Variants in NELL1 observed in about 807,000 individuals in gnomAD.
NELL1 encodes protein kinase C-binding protein NELL1.
Under a neutral mutation model 107.4 loss-of-function variants are expected in NELL1, and 76 were observed. That is an observed-to-expected ratio of 0.71 (90% CI 0.59 to 0.86). The LOEUF is 0.86. NELL1 is among the 40% of genes least tolerant of loss of function. The pLI is 0.00. For missense variants in NELL1, 1,024 were observed against 1,005.5 expected, an observed-to-expected ratio of 1.02 and a Z score of -0.25; for synonymous variants, 353 against 341.2, an observed-to-expected ratio of 1.03 and a Z score of -0.38.
In NELL1 at chr11:21,159,007, C is replaced by T. The variant is rs532869276; in HGVS notation, c.1426+45293C>T. Among the ~76,000 whole-genome samples the T allele has an allele frequency of 9.2e-5, 14 of 152,130 alleles. No individual in the cohort carries two copies. In the South Asian group the frequency reaches 2.5e-3, roughly 27 times the overall value. ...TTTAATATAGCATGCATAATGCTGC[C>T]GATCTGCTTTTGATCTCGTGTTTCA... On this transcript the variant is annotated intron_variant, in intron 13 of 19. Transcript: ENST00000357134.
intron 5 of NELL1, among the ~76,000 whole-genome samples, chr11:20,902,084 A>G (rs778734082): frequency 2.4e-4 from 37 of 152,080 alleles, no homozygotes; most frequent in Non-Finnish European, 5.1e-4. Context: ...ATAAGAACAT[A>G]TCTTCACGAT....
intron 13 of NELL1, among the ~76,000 whole-genome samples, chr11:21,162,388 A>G (rs1430871209): frequency 6.6e-6 from 1 of 152,190 alleles, no homozygotes; most frequent in Non-Finnish European, 1.5e-5. Context: ...GCCTCTCAGT[A>G]TAAGTGGGAG....
At chr11:20,697,781 T>C (rs984607519) in intron 2 of NELL1, among the ~76,000 whole-genome samples, 1 of 152,106 alleles carries the variant, frequency 6.6e-6, no homozygotes, top group Non-Finnish European at 1.5e-5. Context: ...GAAATGGTCT[T>C]TGGGGGAGGT....
rs1207736244 is a variant in NELL1 at position 20,870,731 on chromosome 11, C to A, written c.507-14713C>A. ...AACAGCTGGCAGTTACTATTGAATG[C>A]CTCACATTTAATAACAAAAGTCTTC... On this transcript the variant is annotated intron_variant, in intron 4 of 19. Coordinates refer to ENST00000357134, the MANE Select transcript of NELL1 (RefSeq NM_006157.5). Among the ~76,000 whole-genome samples, 5 of 152,314 alleles carry A rather than the reference C, an allele frequency of 3.3e-5. No homozygotes were observed. In the East Asian group the frequency reaches 9.6e-4, roughly 29 times the overall value.
chr11:21,368,011 C>T lies in NELL1; in HGVS notation c.1550-2842C>T, dbSNP rs187214842. Among the ~76,000 whole-genome samples, 11 of 152,140 alleles carry T rather than the reference C, an allele frequency of 7.2e-5. No homozygotes were observed. In the East Asian group the frequency reaches 1.7e-3, roughly 24 times the overall value. ...AGAGCCTGTCCATATATGAATAATC[C>T]GTGCACAATCTTTAGACTAAGATAC... On this transcript the variant is annotated intron_variant, in intron 14 of 19. Coordinates refer to ENST00000357134, the MANE Select transcript of NELL1 (RefSeq NM_006157.5).
chr11:20,727,890 A>C (rs1450810285), intron 2 of NELL1, among the ~76,000 whole-genome samples: 9 of 152,182 alleles, frequency 5.9e-5, no homozygotes, highest in African/African-American at 1.9e-4. Context: ...ACTGCTTTCC[A>C]CAGTGATTGC....
At chr11:21,284,583 C>G (rs1033968146) in intron 14 of NELL1, 1 of 448,810 alleles carries the variant, frequency 2.2e-6, no homozygotes, top group Admixed American at 2.4e-5. Context: ...CCAGCCCCAA[C>G]AGTTTGATGT....
chr11:21,352,367 G>A (rs1850836575), intron 14 of NELL1, among the ~76,000 whole-genome samples: 1 of 152,126 alleles, frequency 6.6e-6, no homozygotes, highest in African/African-American at 2.4e-5. Flanking sequence ...TAAGTGCTTA[G>A]GAGAGTACTT....
intron 14 of NELL1, among the ~76,000 whole-genome samples, chr11:21,316,783 A>G (rs2133657590): frequency 6.6e-6 from 1 of 152,302 alleles, no homozygotes; most frequent in East Asian, 1.9e-4. Flanking sequence ...CTCCTCACTG[A>G]CAGCAAAGAG....
intron 4 of NELL1, among the ~76,000 whole-genome samples, chr11:20,856,017 A>G (rs1328585346): frequency 6.6e-6 from 1 of 152,236 alleles, no homozygotes; most frequent in East Asian, 1.9e-4. Context: ...CTTTAATTAA[A>G]CTAATGTTAT....
At chr11:20,679,818 A>G (rs1854146802) in intron 2 of NELL1, among the ~76,000 whole-genome samples, 1 of 152,196 alleles carries the variant, frequency 6.6e-6, no homozygotes. Context: ...TGTGCATGAA[A>G]CACAGTAGGT....
intron 12 of NELL1, among the ~76,000 whole-genome samples, chr11:21,035,029 A>G (rs776511517): frequency 6.6e-5 from 10 of 152,106 alleles, no homozygotes; most frequent in Non-Finnish European, 7.4e-5. Context: ...ATTCAAATAA[A>G]CACAATCAGA....
chr11:20,953,180 G>A (rs944444871), intron 11 of NELL1, among the ~76,000 whole-genome samples: 2 of 152,196 alleles, frequency 1.3e-5, no homozygotes, highest in African/African-American at 4.8e-5. Flanking sequence ...GGTTGGGTAA[G>A]CAGTAGTGAA....
chr11:20,805,605 C>T (rs185423802), intron 3 of NELL1, among the ~76,000 whole-genome samples: 8 of 152,260 alleles, frequency 5.3e-5, no homozygotes, highest in East Asian at 3.9e-4. Context: ...CTGCAGGCTC[C>T]GCCTCCCAGG....
At chr11:20,696,071 G>T (rs913297019) in intron 2 of NELL1, among the ~76,000 whole-genome samples, 1 of 152,146 alleles carries the variant, frequency 6.6e-6, no homozygotes, top group Non-Finnish European at 1.5e-5. Flanking sequence ...TGTGCATAGA[G>T]ATGTGTATAG....
chr11:21,575,036 G>A lies in NELL1; in HGVS notation c.*14G>A. On this transcript the variant is annotated 3_prime_UTR_variant, in exon 20 of 20. Coordinates refer to ENST00000357134, the MANE Select transcript of NELL1 (RefSeq NM_006157.5). ...CAAAATAATTGAAGTATTTACAGTG[G>A]ACTCAACGCAGAAGAATGGACGAAA... 2 of 1,601,310 alleles carry A rather than the reference G, an allele frequency of 1.2e-6. No homozygotes were observed. Among genetic ancestry groups the A allele is most frequent in the Non-Finnish European group, 8.6e-7 (1 of 1,169,390 alleles).
chr11:21,571,070 G>C, intron 18 of NELL1, 130 bp downstream of exon 18: 3 of 733,344 alleles, frequency 4.1e-6, no homozygotes, highest in Non-Finnish European at 6.8e-6. Context: ...CTGTGGCTAA[G>C]GGTCATGTTC....
intron 15 of NELL1, among the ~76,000 whole-genome samples, chr11:21,398,909 A>G (rs1564875533): frequency 6.6e-6 from 1 of 151,716 alleles, no homozygotes; most frequent in Non-Finnish European, 1.5e-5. Context: ...AATGATTTTC[A>G]TAGAACTAAT....
chr11:21,520,465 C>G (rs987914411), intron 15 of NELL1, among the ~76,000 whole-genome samples: 14 of 152,164 alleles, frequency 9.2e-5, no homozygotes, highest in Middle Eastern at 3.4e-3. Flanking sequence ...TGATGTTTGC[C>G]TAGAACATCT....
Sources: allele counts gnomAD v4.1 joint callset (sites outside exome capture counted in the v4.1 genomes callset), GRCh38; gene constraint gnomAD v4.1.1; transcripts MANE v1.5; gene names NCBI Gene and HGNC (gene_info 2026-07-23, HGNC 2026-07-21).